NIPAL2: variants seen among roughly 807,000 people sequenced by gnomAD.
NIPAL2 encodes the protein NIPA-like protein 2.
In NIPAL2, 43 loss-of-function variants were observed where a neutral mutation model predicts 48.9. That is an observed-to-expected ratio of 0.88 (90% CI 0.69 to 1.13). The LOEUF (loss-of-function observed/expected upper bound fraction) is 1.13. Ranked by LOEUF, NIPAL2 falls within the 50% of genes most tolerant of loss-of-function variation. The pLI is 0.00. For synonymous variants in NIPAL2, 167 were observed against 174.6 expected (o/e 0.96, Z 0.34); for missense variants, 446 against 461.4 (o/e 0.97, Z 0.31).
chr8:98,273,228 T>G (rs954893394), intron 1 of NIPAL2, among the ~76,000 whole-genome samples: 8 of 152,184 alleles, frequency 5.3e-5, no homozygotes, highest in African/African-American at 1.9e-4. Context: ...AGATGAACTT[T>G]GAAAAGTTTA....
intron 1 of NIPAL2, among the ~76,000 whole-genome samples, chr8:98,260,825 A>G (rs936257253): frequency 6.6e-5 from 10 of 152,206 alleles, no homozygotes; most frequent in Admixed American, 1.3e-4. Context: ...CTCTGGGGGC[A>G]GGGCACAGAC....
At chr8:98,244,741 A>C (rs1813216253) in intron 3 of NIPAL2, among the ~76,000 whole-genome samples, 1 of 152,132 alleles carries the variant, frequency 6.6e-6, no homozygotes, top group South Asian at 2.1e-4. Flanking sequence ...GCACTACCAA[A>C]TCTGATTCTT....
chr8:98,244,060 A>G (rs961659558), intron 3 of NIPAL2, among the ~76,000 whole-genome samples: 7 of 152,258 alleles, frequency 4.6e-5, no homozygotes, highest in Non-Finnish European at 1.0e-4. Flanking sequence ...CAAAGCTAAG[A>G]CAATCAATTA....
intron 4 of NIPAL2, among the ~76,000 whole-genome samples, chr8:98,235,158 A>T (rs942883341): frequency 1.7e-4 from 26 of 152,024 alleles, no homozygotes; most frequent in Non-Finnish European, 3.5e-4. Flanking sequence ...CTCAAAATTT[A>T]AAAAAAATAT....
intron 1 of NIPAL2, among the ~76,000 whole-genome samples, chr8:98,275,675 A>C (rs1815417417): frequency 6.6e-6 from 1 of 152,222 alleles, no homozygotes. Flanking sequence ...AGGAACTGCC[A>C]AACTATTTTT....
chr8:98,270,098 A>G (rs368137778), intron 1 of NIPAL2, among the ~76,000 whole-genome samples: 4 of 152,290 alleles, frequency 2.6e-5, no homozygotes, highest in African/African-American at 9.6e-5. Context: ...ATGGGCACCT[A>G]GATTGACTCC....
chr8:98,195,650 A>C (rs1374476801), intron 9 of NIPAL2: 1 of 266,450 alleles, frequency 3.8e-6, no homozygotes, highest in Non-Finnish European at 7.0e-6. Flanking sequence ...GGTCTGATAC[A>C]GTACAGAAAG....
At chr8:98,293,347 C>T (rs896200709) in intron 1 of NIPAL2, among the ~76,000 whole-genome samples, 1 of 152,150 alleles carries the variant, frequency 6.6e-6, no homozygotes, top group Non-Finnish European at 1.5e-5. Context: ...AATAAATGGG[C>T]GGCTCCAAGT....
intron 1 of NIPAL2, among the ~76,000 whole-genome samples, chr8:98,287,434 G>A (rs7820966): frequency 0.059 from 8,976 of 152,246 alleles, 669 homozygotes; most frequent in African/African-American, 0.17. Context: ...ATCAAAGAGC[G>A]TGAGGAAGGC....
At chr8:98,288,599 C>A (rs1384596410) in intron 1 of NIPAL2, among the ~76,000 whole-genome samples, 3 of 150,486 alleles carry the variant, frequency 2.0e-5, no homozygotes, top group South Asian at 2.1e-4. Flanking sequence ...AGTTCTAGAT[C>A]CCTGAGGAAT....
chr8:98,232,042 A>AT (rs2130780840), intron 4 of NIPAL2, among the ~76,000 whole-genome samples: 1 of 152,224 alleles, frequency 6.6e-6, no homozygotes, highest in South Asian at 2.1e-4. Flanking sequence ...AAAAAGCTAC[A>AT]TTTTCTCAAG....
At chr8:98,234,725 T>G (rs1336243723) in intron 4 of NIPAL2, among the ~76,000 whole-genome samples, 1 of 151,608 alleles carries the variant, frequency 6.6e-6, no homozygotes, top group African/African-American at 2.4e-5. Flanking sequence ...TTTTTTTTTT[T>G]TTTTTCAGTA....
At position 98,218,594 on chromosome 8, in the gene NIPAL2, A is replaced by G. The variant is rs368975919; in HGVS notation, c.558+3885T>C. On this transcript the variant is annotated intron_variant, in intron 5 of 10. Transcript: ENST00000430223. ...TGAAAATGAATTTCAGGACCATAAC[A>G]TATGAGGATCAGGGATTTAAATAGG... Among the ~76,000 whole-genome samples, 73 of 152,344 alleles carry G rather than the reference A, an allele frequency of 4.8e-4. 1 individual carries two copies. The South Asian group carries it at 0.014, about 29-fold the overall frequency.
intron 1 of NIPAL2, among the ~76,000 whole-genome samples, chr8:98,271,839 C>G: frequency 6.7e-6 from 1 of 148,836 alleles, no homozygotes; most frequent in East Asian, 2.0e-4. Context: ...ATAGATGGCT[C>G]TTATTATTTT....
chr8:98,214,320 C>G lies in NIPAL2; in HGVS notation c.559-1819G>C, dbSNP rs551360441. Among the ~76,000 whole-genome samples the G allele has an allele frequency of 9.9e-5, 15 of 152,126 alleles. No individual in the cohort carries two copies. The East Asian group carries it at 2.9e-3, about 29-fold the overall frequency. On this transcript the variant is annotated intron_variant, in intron 5 of 10. Coordinates refer to ENST00000430223, the MANE Select transcript of NIPAL2 (RefSeq NM_001321635.2). The stretch of plus-strand genomic sequence containing the variant: ...CTGGGATTATGGGTGCCCGCCACCA[C>G]GCCCGGCTAATTTTTGTATTTTTAG...
chr8:98,217,203 A>G lies in NIPAL2; in HGVS notation c.559-4702T>C, dbSNP rs1255700204. 4 of 985,218 alleles carry G rather than the reference A, an allele frequency of 4.1e-6. No homozygotes were observed. In the African/African-American group the frequency reaches 7.0e-5, roughly 17 times the overall value. 61.0% of individuals were successfully genotyped at this position (985,218 alleles called of 1,614,324 possible). A position where few individuals can be genotyped will look rare whatever the true frequency, so the allele number is the denominator to read the frequency against. The stretch of plus-strand genomic sequence containing the variant: ...AAATCTTCCTTCCTTTCTTTTCTGT[A>G]CCAGATCAGAGGAAAAGCTCCTGAG... On this transcript the variant is annotated intron_variant, in intron 5 of 10. Coordinates refer to ENST00000430223, the MANE Select transcript of NIPAL2 (RefSeq NM_001321635.2).
chr8:98,222,592 G>C lies in NIPAL2; in HGVS notation c.445C>G (p.Leu149Val). The change falls in exon 5 of 11, where the codon CTG (leucine) becomes GTG (valine). Residue 149 changes from leucine to valine, a missense_variant. Transcript: ENST00000430223. ...AGTAAATATGTTCCTGCAAATGCCA[G>C]TGTCGTACCTTTAAATAAAATTGAA... Reference protein sequence around the residue: ...LRASDLLGTTLAFAGTYLLVN... With the variant: ...LRASDLLGTTVAFAGTYLLVN... 1 of 1,609,654 alleles carries C rather than the reference G, an allele frequency of 6.2e-7. No individual in the cohort carries two copies. Among genetic ancestry groups the C allele is most frequent in the South Asian group, 1.1e-5 (1 of 89,580 alleles).
At chr8:98,221,331 CA>C (rs1811865853) in intron 5 of NIPAL2, among the ~76,000 whole-genome samples, 1 of 150,654 alleles carries the variant, frequency 6.6e-6, no homozygotes, top group Non-Finnish European at 1.5e-5. Context: ...GTGCTCCTCT[CA>C]GACAGTCTGT....
intron 1 of NIPAL2, among the ~76,000 whole-genome samples, chr8:98,286,617 T>C (rs1286468113): frequency 6.6e-6 from 1 of 152,038 alleles, no homozygotes; most frequent in East Asian, 1.9e-4. Context: ...GAGACCAGCC[T>C]GGCCAACATG....
Sources: gnomAD v4.1 joint callset for allele counts (sites outside exome capture counted in the v4.1 genomes callset) on GRCh38, gnomAD v4.1.1 for gene constraint, MANE v1.5 for transcripts, NCBI Gene and HGNC (gene_info 2026-07-23, HGNC 2026-07-21) for gene names.